The following THSD7A variants were observed in gnomAD, a reference collection of about 807,000 sequenced individuals.
THSD7A encodes thrombospondin type-1 domain-containing protein 7A.
THSD7A carries 96 observed loss-of-function variants against 231.3 expected under a neutral mutation model. The ratio of observed to expected loss-of-function variants is 0.41; its 90% CI spans 0.35 to 0.49. THSD7A has a LOEUF of 0.49. Among genes scored for constraint, THSD7A ranks in the 20% least tolerant of loss-of-function variants. The pLI is 0.05. For missense variants in THSD7A, 2,290 were observed against 2,070.2 expected (o/e 1.11, Z -2.06); for synonymous variants, 940 against 743.3 (o/e 1.26, Z -4.30).
At chr7:11,691,974 G>A (rs576934592) in intron 1 of THSD7A, among the ~76,000 whole-genome samples, 21 of 151,566 alleles carry the variant, frequency 1.4e-4, no homozygotes, top group African/African-American at 5.1e-4. Context: ...AGTAAGCAGA[G>A]ATACAAAAGG....
At chr7:11,824,495 C>T (rs1298589480) in intron 1 of THSD7A, among the ~76,000 whole-genome samples, 1 of 152,070 alleles carries the variant, frequency 6.6e-6, no homozygotes, top group Admixed American at 6.6e-5. Context: ...GATTACGTGC[C>T]ATCCTATTGT....
intron 11 of THSD7A, among the ~76,000 whole-genome samples, chr7:11,450,374 C>T (rs892078349): frequency 2.0e-5 from 3 of 151,984 alleles, no homozygotes; most frequent in African/African-American, 7.2e-5. Flanking sequence ...CTGCACTTTA[C>T]ACCTCTTATC....
intron 7 of THSD7A, among the ~76,000 whole-genome samples, chr7:11,478,005 C>A (rs1786264849): frequency 6.6e-6 from 1 of 152,150 alleles, no homozygotes; most frequent in African/African-American, 2.4e-5. Context: ...CAATGCTGTA[C>A]CACAGAGTGT....
intron 1 of THSD7A, among the ~76,000 whole-genome samples, chr7:11,744,531 T>C (rs1363642112): frequency 6.6e-6 from 1 of 151,874 alleles, no homozygotes; most frequent in Non-Finnish European, 1.5e-5. Flanking sequence ...CATGTTGGTG[T>C]GCTGCACCTA....
At chr7:11,417,650 G>T (rs944091853) in intron 16 of THSD7A, 47 bp from the exon 17 acceptor site, 3 of 1,559,070 alleles carry the variant, frequency 1.9e-6, no homozygotes, top group African/African-American at 2.8e-5. Flanking sequence ...ATACATTCTA[G>T]AAGTAAAGAA....
At chr7:11,561,472 T>G (rs1790073720) in intron 4 of THSD7A, among the ~76,000 whole-genome samples, 1 of 152,318 alleles carries the variant, frequency 6.6e-6, no homozygotes, top group South Asian at 2.1e-4. Context: ...TATTCTGCAC[T>G]TATACTGATA....
intron 6 of THSD7A, among the ~76,000 whole-genome samples, chr7:11,531,784 C>T (rs1161690528): frequency 6.6e-6 from 1 of 152,138 alleles, no homozygotes; most frequent in African/African-American, 2.4e-5. Context: ...TAGGGTTTGG[C>T]TGGCACTTCC....
chr7:11,525,884 G>A (rs1056280915), intron 6 of THSD7A, among the ~76,000 whole-genome samples: 12 of 152,096 alleles, frequency 7.9e-5, no homozygotes, highest in Non-Finnish European at 1.3e-4. Flanking sequence ...TAAATGTAAC[G>A]TGTGACTGGA....
chr7:11,665,368 C>T (rs190809768), intron 1 of THSD7A, among the ~76,000 whole-genome samples: 13 of 152,026 alleles, frequency 8.6e-5, no homozygotes, highest in Admixed American at 5.3e-4. Flanking sequence ...AAATATGGTA[C>T]GAGTAGAACT....
intron 6 of THSD7A, among the ~76,000 whole-genome samples, chr7:11,514,970 C>T (rs572255724): frequency 6.6e-6 from 1 of 152,250 alleles, no homozygotes; most frequent in East Asian, 1.9e-4. Flanking sequence ...TCTTTCTGTT[C>T]AGAAGATCAC....
In THSD7A at chr7:11,499,353, A is replaced by G. The variant is rs145581857; in HGVS notation, c.1823-17371T>C. Among the ~76,000 whole-genome samples the G allele has an allele frequency of 7.5e-3, 1,141 of 152,118 alleles. 19 individuals carry two copies. The highest frequency in any genetic ancestry group is 0.026 in the African/African-American group (1,089 of 41,572). ...GAGTCAAGCAAATGACTTGACCACA[A>G]CCACTAATAAGATGTCTTCCTCTGT... is the stretch of plus-strand genomic sequence containing the variant. On this transcript the variant is annotated intron_variant, in intron 6 of 27. Transcript: ENST00000423059.
At chr7:11,678,445 G>A (rs1055894841) in intron 1 of THSD7A, among the ~76,000 whole-genome samples, 2 of 151,884 alleles carry the variant, frequency 1.3e-5, no homozygotes, top group African/African-American at 4.8e-5. Context: ...TAGATAGACC[G>A]CTAGCCTGAG....
chr7:11,385,347 C>T (rs2115310468), intron 23 of THSD7A: 1 of 152,116 alleles, frequency 6.6e-6, no homozygotes, highest in Non-Finnish European at 1.5e-5. Flanking sequence ...ACAGTGGTAT[C>T]CTTGTTCTGT....
At chr7:11,473,708 C>T (rs912766768) in intron 8 of THSD7A, among the ~76,000 whole-genome samples, 5 of 152,018 alleles carry the variant, frequency 3.3e-5, no homozygotes, top group African/African-American at 9.7e-5. Context: ...GTTCTTTGTT[C>T]TCCCCTCCAG....
Position 11,636,988 on chromosome 7 carries a change from G to A in THSD7A, c.191-27C>T, listed in dbSNP as rs368697325. 132 of 1,576,250 alleles carry A rather than the reference G, an allele frequency of 8.4e-5. No individual in the cohort carries two copies. The highest frequency in any genetic ancestry group is 3.7e-5 in the Non-Finnish European group (43 of 1,164,384). ...TACAAAAATTATAACACAAAAATTAGCAGTGCTACTAGAAGAAAACTACAA... is the reference window on the plus strand; with the variant it reads ...TACAAAAATTATAACACAAAAATTAACAGTGCTACTAGAAGAAAACTACAA... On this transcript the variant is annotated intron_variant, in intron 1 of 27. Coordinates refer to ENST00000423059, the MANE Select transcript of THSD7A (RefSeq NM_015204.3). The surrounding 1 kb of genome is among the most constrained non-coding windows in gnomAD (Gnocchi z 10.0).
intron 3 of THSD7A, among the ~76,000 whole-genome samples, chr7:11,591,900 G>A (rs1026400965): frequency 6.6e-6 from 1 of 152,158 alleles, no homozygotes; most frequent in Non-Finnish European, 1.5e-5. Context: ...GAGAGGAATA[G>A]CCTGTCAATA....
rs1224755847 is a variant in THSD7A at position 11,548,398 on chromosome 7, T to C, written c.1454-5281A>G. On this transcript the variant is annotated intron_variant, in intron 4 of 27. Coordinates refer to ENST00000423059, the MANE Select transcript of THSD7A (RefSeq NM_015204.3). ...TTACCAACCACAAAAGGGCTTGGAG[T>C]AGACAGACTCACAGTTGAATTCTAC... is the stretch of plus-strand genomic sequence containing the variant. Among the ~76,000 whole-genome samples, 2 of 151,572 alleles carry C rather than the reference T, an allele frequency of 1.3e-5. 1 individual carries two copies. The highest frequency in any genetic ancestry group is 2.9e-5 in the Non-Finnish European group (2 of 67,822).
At chr7:11,522,151 G>C (rs1251913157) in intron 6 of THSD7A, among the ~76,000 whole-genome samples, 2 of 152,126 alleles carry the variant, frequency 1.3e-5, no homozygotes, top group African/African-American at 4.8e-5. Flanking sequence ...GAGTGGTAAA[G>C]AGCAGAGCTG....
At chr7:11,726,500 G>T (rs996921679) in intron 1 of THSD7A, among the ~76,000 whole-genome samples, 1 of 151,976 alleles carries the variant, frequency 6.6e-6, no homozygotes, top group Non-Finnish European at 1.5e-5. Context: ...TTGGTACTCA[G>T]TCTGTTTTGG....
Sources: allele counts gnomAD v4.1 joint callset (sites outside exome capture counted in the v4.1 genomes callset), GRCh38; gene constraint gnomAD v4.1.1; non-coding constraint Gnocchi (gnomAD v3.1); transcripts MANE v1.5; gene names NCBI Gene and HGNC (gene_info 2026-07-23, HGNC 2026-07-21).